The following NRXN1 variants were observed in gnomAD, a reference collection of about 807,000 sequenced individuals.
NRXN1 encodes neurexin 1.
NRXN1 carries 39 observed loss-of-function variants against 150.9 expected under a neutral mutation model. The ratio of observed to expected loss-of-function variants is 0.26; its 90% CI spans 0.20 to 0.34. The LOEUF (loss-of-function observed/expected upper bound fraction) is 0.34. Ranked by LOEUF, NRXN1 falls within the 10% of genes least tolerant of loss-of-function variation. The probability of loss-of-function intolerance (pLI) is 1.00; values close to 1 mark genes in which losing one functional copy is unlikely to be tolerated. For synonymous variants in NRXN1, 924 were observed against 757.0 expected (o/e 1.22, Z -3.62); for missense variants, 1,815 against 1,949.9 (o/e 0.93, Z 1.30).
chr2:50,718,512 C>T (rs1201562247), intron 5 of NRXN1, among the ~76,000 whole-genome samples: 1 of 152,096 alleles, frequency 6.6e-6, no homozygotes, highest in Non-Finnish European at 1.5e-5. Flanking sequence ...TTATATCACA[C>T]ATAAAGAAAC....
chr2:50,065,898 A>G (rs1426821773), intron 19 of NRXN1, among the ~76,000 whole-genome samples: 1 of 152,160 alleles, frequency 6.6e-6, no homozygotes, highest in Admixed American at 6.5e-5. Context: ...CTTGTCAGAG[A>G]AAAAGAATAT....
At chr2:50,115,029 C>T (rs1702851963) in intron 18 of NRXN1, among the ~76,000 whole-genome samples, 1 of 151,468 alleles carries the variant, frequency 6.6e-6, no homozygotes, top group South Asian at 2.1e-4. Context: ...TAATGATGCA[C>T]CAATGTAGGT....
rs757977666 is a variant in NRXN1, at chr2:49,920,282, T to A, written c.*1662A>T. On this transcript the variant is annotated 3_prime_UTR_variant, in exon 23 of 23. Transcript: ENST00000401669. ...GTAGTAATACAGAATCAAAAATTAC[T>A]GAAAAATACTTTCTTAGTCGAGAGA... 34 of 152,440 alleles carry A rather than the reference T, an allele frequency of 2.2e-4. No homozygotes were observed. Among genetic ancestry groups the A allele is most frequent in the Non-Finnish European group, 4.3e-4 (29 of 68,030 alleles). 9.4% of individuals were successfully genotyped at this position (152,440 alleles called of 1,614,324 possible). A position where few individuals can be genotyped will look rare whatever the true frequency, so the allele number is the denominator to read the frequency against.
chr2:49,966,167 G>T (rs1457935049), intron 21 of NRXN1, among the ~76,000 whole-genome samples: 2 of 152,196 alleles, frequency 1.3e-5, no homozygotes, highest in African/African-American at 4.8e-5. Context: ...AGGGGAACGA[G>T]CAGTATAGGC....
At chr2:50,448,048 T>A (rs1392674188) in intron 17 of NRXN1, among the ~76,000 whole-genome samples, 1 of 151,866 alleles carries the variant, frequency 6.6e-6, no homozygotes, top group Non-Finnish European at 1.5e-5. Context: ...GTGAAAGTAA[T>A]AAAATTTGAA....
intron 5 of NRXN1, among the ~76,000 whole-genome samples, chr2:50,851,333 G>A (rs1318542671): frequency 6.6e-6 from 1 of 152,110 alleles, no homozygotes; most frequent in African/African-American, 2.4e-5. Flanking sequence ...GAGGTGATTC[G>A]AGTTTCTCAG....
intron 17 of NRXN1, among the ~76,000 whole-genome samples, chr2:50,395,188 C>T (rs2081979766): frequency 6.6e-6 from 1 of 151,650 alleles, no homozygotes; most frequent in South Asian, 2.1e-4. Flanking sequence ...ATTTTGTTTA[C>T]ACTTGCCCAT....
At chr2:50,367,821 C>T (rs2079701015) in intron 17 of NRXN1, among the ~76,000 whole-genome samples, 1 of 151,984 alleles carries the variant, frequency 6.6e-6, no homozygotes, top group Non-Finnish European at 1.5e-5. Context: ...TTGGCAAATG[C>T]TGTTTATGAA....
At chr2:50,191,798 A>G (rs969305342) in intron 18 of NRXN1, among the ~76,000 whole-genome samples, 12 of 152,192 alleles carry the variant, frequency 7.9e-5, no homozygotes, top group Non-Finnish European at 1.8e-4. Flanking sequence ...TCCATGGCAT[A>G]CCATGTAATA....
At chr2:50,630,785 G>A (rs1682160163) in intron 5 of NRXN1, among the ~76,000 whole-genome samples, 1 of 151,624 alleles carries the variant, frequency 6.6e-6, no homozygotes, top group African/African-American at 2.4e-5. Context: ...AATGAAAAAA[G>A]ATATTTGGGT....
intron 18 of NRXN1, among the ~76,000 whole-genome samples, chr2:50,126,530 TAGA>T: frequency 1.3e-5 from 2 of 152,174 alleles, no homozygotes; most frequent in Middle Eastern, 3.4e-3. Context: ...TAAGATATAA[TAGA>T]AGCAAAAATA....
intron 5 of NRXN1, among the ~76,000 whole-genome samples, chr2:50,779,517 C>A (rs1199683389): frequency 6.6e-6 from 1 of 152,144 alleles, no homozygotes; most frequent in South Asian, 2.1e-4. Flanking sequence ...GCCTGTAATC[C>A]TAGCACTTTG....
intron 18 of NRXN1, among the ~76,000 whole-genome samples, chr2:50,208,935 T>C (rs1372856796): frequency 1.3e-5 from 2 of 152,160 alleles, no homozygotes. Context: ...ATAGAGACTG[T>C]ATGTAATTTC....
intron 17 of NRXN1, among the ~76,000 whole-genome samples, chr2:50,371,383 C>G (rs912603395): frequency 6.6e-6 from 1 of 152,016 alleles, no homozygotes; most frequent in Non-Finnish European, 1.5e-5. Context: ...AACCCTTGCT[C>G]TCCATTTCCA....
intron 5 of NRXN1, among the ~76,000 whole-genome samples, chr2:50,920,608 A>T (rs914518764): frequency 2.0e-5 from 3 of 151,740 alleles, no homozygotes; most frequent in Non-Finnish European, 2.9e-5. Flanking sequence ...CAAACTAAAG[A>T]ACATGATGAG....
chr2:50,725,286 G>A (rs1574253269), intron 5 of NRXN1, among the ~76,000 whole-genome samples: 1 of 150,364 alleles, frequency 6.7e-6, no homozygotes, highest in African/African-American at 2.4e-5. Context: ...CCTGATAGAA[G>A]AAAAATATGT....
At chr2:49,979,906 G>GTTTTT (rs958895922) in intron 21 of NRXN1, among the ~76,000 whole-genome samples, 38 of 66,020 alleles carry the variant, frequency 5.8e-4, no homozygotes, top group African/African-American at 1.4e-3. Flanking sequence ...TGTTTTTTTG[G>GTTTTT]TTTTTTTTTT....
At chr2:50,157,322 C>A (rs772845913) in intron 18 of NRXN1, among the ~76,000 whole-genome samples, 1 of 151,936 alleles carries the variant, frequency 6.6e-6, no homozygotes, top group African/African-American at 2.4e-5. Context: ...GCGTTTTCAC[C>A]AGTCATTCAG....
chr2:50,295,964 G>C (rs1399320583), intron 17 of NRXN1, among the ~76,000 whole-genome samples: 1 of 152,152 alleles, frequency 6.6e-6, no homozygotes, highest in Non-Finnish European at 1.5e-5. Context: ...GAATAGAGCA[G>C]CACCTTTAAA....
Sources: allele counts gnomAD v4.1 joint callset (sites outside exome capture counted in the v4.1 genomes callset), GRCh38; gene constraint gnomAD v4.1.1; transcripts MANE v1.5; gene names NCBI Gene and HGNC (gene_info 2026-07-23, HGNC 2026-07-21).